Variants in PRKCB observed in about 807,000 individuals in gnomAD.
The protein encoded by PRKCB is protein kinase C beta, also known as protein kinase C beta type.
In PRKCB, 13 loss-of-function variants were observed where a neutral mutation model predicts 81.5. The observed-to-expected ratio is 0.16, with a 90% confidence interval of 0.10 to 0.25. The LOEUF (loss-of-function observed/expected upper bound fraction) is 0.25. Among genes scored for constraint, PRKCB ranks in the 10% least tolerant of loss-of-function variants. PRKCB has a pLI of 1.00. For synonymous variants in PRKCB, 335 were observed against 321.4 expected, an observed-to-expected ratio of 1.04 and a Z score of -0.45; for missense variants, 509 against 875.7, an observed-to-expected ratio of 0.58 and a Z score of 5.29.
chr16:24,140,838 T>C (rs1966891804), intron 9 of PRKCB, among the ~76,000 whole-genome samples: 2 of 152,178 alleles, frequency 1.3e-5, no homozygotes, highest in African/African-American at 4.8e-5. Flanking sequence ...CCTCCTAACT[T>C]GGCAGTCTTT....
intron 2 of PRKCB, among the ~76,000 whole-genome samples, chr16:23,879,032 G>C (rs1210967006): frequency 1.3e-5 from 2 of 152,140 alleles, no homozygotes; most frequent in African/African-American, 4.8e-5. Flanking sequence ...AAAAAAATCA[G>C]TGGGGCGTGG....
At chr16:24,046,307 A>G (rs943061724) in intron 5 of PRKCB, among the ~76,000 whole-genome samples, 1 of 152,190 alleles carries the variant, frequency 6.6e-6, no homozygotes, top group Non-Finnish European at 1.5e-5. Flanking sequence ...CACTCCTCCA[A>G]CAAGTATTTG....
At chr16:23,842,822 T>G (rs575418522) in intron 2 of PRKCB, among the ~76,000 whole-genome samples, 2 of 152,360 alleles carry the variant, frequency 1.3e-5, no homozygotes, top group East Asian at 3.9e-4. Context: ...TTTATTTTAG[T>G]GTGTAATTAA....
chr16:24,140,345 C>T (rs1015918804), intron 9 of PRKCB, among the ~76,000 whole-genome samples: 27 of 152,138 alleles, frequency 1.8e-4, no homozygotes, highest in African/African-American at 6.3e-4. Flanking sequence ...ATGGTGAATG[C>T]AGTGTACTGA....
chr16:23,845,508 C>A (rs1402295834), intron 2 of PRKCB, among the ~76,000 whole-genome samples: 4 of 152,112 alleles, frequency 2.6e-5, no homozygotes, highest in Admixed American at 6.5e-5. Context: ...GGGCTGAAGG[C>A]AGTGGCTCAT....
chr16:24,211,835 C>G (rs1402328288), intron 16 of PRKCB, among the ~76,000 whole-genome samples: 1 of 152,174 alleles, frequency 6.6e-6, no homozygotes, highest in East Asian at 1.9e-4. Flanking sequence ...TCAGGGATTA[C>G]AGGCATGAGC....
At chr16:24,091,376 T>C (rs1028344836) in intron 5 of PRKCB, among the ~76,000 whole-genome samples, 19 of 152,210 alleles carry the variant, frequency 1.2e-4, no homozygotes, top group Non-Finnish European at 2.1e-4. Flanking sequence ...TCGATTTGGA[T>C]TGAATGTATT....
Position 24,028,334 on chromosome 16 carries a change from C to T in PRKCB, c.289-3802C>T, listed in dbSNP as rs138867567. On this transcript the variant is annotated intron_variant, in intron 3 of 16. Coordinates refer to ENST00000643927, the MANE Select transcript of PRKCB (RefSeq NM_002738.7). ...GAACTCCTGACCTAAGGTGATCCACCCACCTCGGCTTCCCGAAGTGCTGGG... is the reference window on the plus strand; with the variant it reads ...GAACTCCTGACCTAAGGTGATCCACTCACCTCGGCTTCCCGAAGTGCTGGG... 6.6e-5 allele frequency among the ~76,000 whole-genome samples: 10 copies of T among 152,334 alleles called. No homozygotes were observed. The South Asian group carries it at 1.7e-3, about 25-fold the overall frequency.
intron 16 of PRKCB, among the ~76,000 whole-genome samples, chr16:24,194,707 C>A (rs1251384361): frequency 2.7e-5 from 4 of 150,172 alleles, no homozygotes; most frequent in Admixed American, 6.6e-5. Flanking sequence ...AATACTTAGT[C>A]ATTATCAACG....
chr16:24,198,664 G>A (rs1358396961), intron 16 of PRKCB, among the ~76,000 whole-genome samples: 1 of 152,190 alleles, frequency 6.6e-6, no homozygotes, highest in Non-Finnish European at 1.5e-5. Flanking sequence ...GCGCTAAAGT[G>A]TGTGTACAAT....
intron 5 of PRKCB, among the ~76,000 whole-genome samples, chr16:24,092,203 A>G (rs1458141256): frequency 6.6e-6 from 1 of 152,114 alleles, no homozygotes; most frequent in Non-Finnish European, 1.5e-5. Context: ...TCTGGCAACT[A>G]TTAATAGTAG....
intron 5 of PRKCB, among the ~76,000 whole-genome samples, chr16:24,075,625 G>A (rs996769449): frequency 6.6e-6 from 1 of 152,188 alleles, no homozygotes; most frequent in African/African-American, 2.4e-5. Flanking sequence ...TTAAACAAAA[G>A]CCTATGATTC....
At chr16:23,988,720 C>G in intron 3 of PRKCB, 130 bp downstream of exon 3, 1 of 820,348 alleles carries the variant, frequency 1.2e-6, no homozygotes, top group Non-Finnish European at 1.9e-6. Flanking sequence ...GTCCCTATAG[C>G]TTTTGAGACA....
intron 16 of PRKCB, among the ~76,000 whole-genome samples, chr16:24,196,766 C>G (rs1967886005): frequency 6.6e-6 from 1 of 152,214 alleles, no homozygotes; most frequent in African/African-American, 2.4e-5. Flanking sequence ...GAACTCAGTG[C>G]TGCAGGGTGC....
intron 5 of PRKCB, among the ~76,000 whole-genome samples, chr16:24,069,762 A>T (rs574259036): frequency 6.1e-4 from 93 of 152,090 alleles, no homozygotes; most frequent in South Asian, 1.2e-3. Context: ...ACAAAACAAA[A>T]CAGTGCCTGG....
intron 2 of PRKCB, among the ~76,000 whole-genome samples, chr16:23,924,418 G>T (rs1270638721): frequency 6.6e-6 from 1 of 151,944 alleles, no homozygotes. Context: ...ACTTCAAAGC[G>T]GCTGGGCAAG....
At chr16:24,003,231 C>T (rs1280115381) in intron 3 of PRKCB, among the ~76,000 whole-genome samples, 1 of 152,160 alleles carries the variant, frequency 6.6e-6, no homozygotes. Context: ...CTTTAGTATG[C>T]CATCTGTTTC....
intron 3 of PRKCB, among the ~76,000 whole-genome samples, chr16:24,030,996 C>G (rs900621235): frequency 6.6e-6 from 1 of 150,868 alleles, no homozygotes; most frequent in African/African-American, 2.4e-5. Flanking sequence ...CCCAGGAAGT[C>G]AAGGTCCCAG....
At chr16:24,154,154 G>A (rs1967118918) in intron 9 of PRKCB, among the ~76,000 whole-genome samples, 1 of 152,076 alleles carries the variant, frequency 6.6e-6, no homozygotes, top group Non-Finnish European at 1.5e-5. Context: ...CATCTCCCCT[G>A]GAACCATCCT....
Sources: allele counts gnomAD v4.1 joint callset (sites outside exome capture counted in the v4.1 genomes callset), GRCh38; gene constraint gnomAD v4.1.1; transcripts MANE v1.5; gene names NCBI Gene and HGNC (gene_info 2026-07-23, HGNC 2026-07-21).